The following ANKRD40 variants were observed in gnomAD, a reference collection of about 807,000 sequenced individuals.
The protein encoded by ANKRD40 is ankyrin repeat domain 40.
In ANKRD40, 24 loss-of-function variants were observed where a neutral mutation model predicts 35.5. The observed-to-expected ratio is 0.68, with a 90% CI of 0.49 to 0.95. The LOEUF (loss-of-function observed/expected upper bound fraction) is 0.95. Ranked by LOEUF, ANKRD40 falls within the 40% of genes least tolerant of loss-of-function variation. The probability of loss-of-function intolerance (pLI) is 0.00; values close to 1 mark genes in which losing one functional copy is unlikely to be tolerated. For synonymous variants in ANKRD40, 147 were observed against 173.5 expected, an observed-to-expected ratio of 0.85 and a Z score of 1.20; for missense variants, 361 against 436.0, an observed-to-expected ratio of 0.83 and a Z score of 1.53.
At chr17:50,702,970 T>G (rs1330602834) in intron 1 of ANKRD40, among the ~76,000 whole-genome samples, 1 of 152,232 alleles carries the variant, frequency 6.6e-6, no homozygotes, top group African/African-American at 2.4e-5. Flanking sequence ...TTACTCTATC[T>G]TTGAACTTCA....
chr17:50,705,693 G>C (rs921921256), intron 1 of ANKRD40, among the ~76,000 whole-genome samples: 4 of 139,692 alleles, frequency 2.9e-5, no homozygotes, highest in African/African-American at 1.1e-4. Context: ...ACAGAGTCTC[G>C]CTCTGCCACC....
In ANKRD40 at chr17:50,699,492, T is replaced by C. The variant is rs778549569; in HGVS notation, c.685A>G (p.Met229Val). ...LFSSVPSKPPMSLEPQNGTYA... is the reference protein window; with the variant it reads ...LFSSVPSKPPVSLEPQNGTYA... ...GTCCCATTTTGAGGCTCCAGAGACA[T>C]TGGTGGCTTGGACGGGACAGAAGAA... The change falls in exon 3 of 5, where the codon ATG becomes GTG. Residue 229 changes from methionine to valine, a missense_variant. Met to Val is a conservative substitution (Grantham distance 21). Around this residue, in one of 5 missense-constraint regions of ANKRD40, gnomAD observed 172 missense variants for 174.0 expected, o/e 0.99. Transcript: ENST00000285243. 4.7e-5 allele frequency: 76 copies of C among 1,613,938 alleles called. No homozygotes were observed. In the East Asian group the frequency reaches 1.0e-3, roughly 21 times the overall value.
intron 1 of ANKRD40, among the ~76,000 whole-genome samples, chr17:50,705,901 TG>T (rs1968330962): frequency 6.7e-6 from 1 of 150,162 alleles, no homozygotes; most frequent in African/African-American, 2.5e-5. Flanking sequence ...CATCGTGATC[TG>T]CCCACCTTGG....
Position 50,694,427 on chromosome 17 carries a change from T to C in ANKRD40, c.*1570A>G, listed in dbSNP as rs1968173233. The C allele has an allele frequency of 6.6e-6, 1 of 152,210 alleles. No homozygotes were observed. The highest frequency in any genetic ancestry group is 6.5e-5 in the Admixed American group (1 of 15,284). 9.4% of individuals were successfully genotyped at this position (152,210 alleles called of 1,614,324 possible). ...TTCTCACTCAACTGTAGTGTTCTAA[T>C]AAAATTAAGTTAACACAGTTAGGAA... is the stretch of plus-strand genomic sequence containing the variant. On this transcript the variant is annotated 3_prime_UTR_variant, in exon 5 of 5. Coordinates refer to ENST00000285243, the MANE Select transcript of ANKRD40 (RefSeq NM_052855.4).
intron 3 of ANKRD40, among the ~76,000 whole-genome samples, chr17:50,698,985 CAAAAA>C (rs5820829): frequency 4.3e-5 from 3 of 69,618 alleles, no homozygotes; most frequent in African/African-American, 1.8e-4. Context: ...ACTAAAAATA[CAAAAA>C]AAAAAAAAAA....
intron 3 of ANKRD40, among the ~76,000 whole-genome samples, chr17:50,698,524 C>T (rs1389286801): frequency 1.3e-5 from 2 of 151,960 alleles, no homozygotes; most frequent in Non-Finnish European, 2.9e-5. Flanking sequence ...TTGGCCTGGA[C>T]TCTTCAAAAA....
At chr17:50,696,871 A>G in intron 4 of ANKRD40, 69 bp downstream of exon 4, 1 of 1,413,784 alleles carries the variant, frequency 7.1e-7, no homozygotes, top group Non-Finnish European at 9.5e-7. Flanking sequence ...ACTACCTCAT[A>G]TAACCAAGGA....
intron 3 of ANKRD40, among the ~76,000 whole-genome samples, chr17:50,698,381 C>G (rs138886068): frequency 1.3e-5 from 2 of 152,074 alleles, no homozygotes; most frequent in Non-Finnish European, 2.9e-5. Flanking sequence ...CAGATTATAA[C>G]CCACTGAATA....
chr17:50,700,301 G>C, intron 2 of ANKRD40: 1 of 316,658 alleles, frequency 3.2e-6, no homozygotes, highest in Non-Finnish European at 5.8e-6. Context: ...AAATTAGCGA[G>C]ACGTGGTGGC....
At chr17:50,701,647 G>C (rs1968274231) in intron 1 of ANKRD40, among the ~76,000 whole-genome samples, 1 of 152,164 alleles carries the variant, frequency 6.6e-6, no homozygotes, top group South Asian at 2.1e-4. Flanking sequence ...ATTATGGAAG[G>C]AAAATACTTT....
intron 1 of ANKRD40, among the ~76,000 whole-genome samples, chr17:50,702,220 T>C (rs1315847470): frequency 6.6e-6 from 1 of 151,970 alleles, no homozygotes. Context: ...GCCTGCCCAA[T>C]AGGGTGAAAC....
intron 1 of ANKRD40, among the ~76,000 whole-genome samples, chr17:50,704,175 T>C (rs1567844551): frequency 6.6e-6 from 1 of 151,946 alleles, no homozygotes; most frequent in Non-Finnish European, 1.5e-5. Flanking sequence ...GAATTCAATC[T>C]TGGACATGTT....
intron 2 of ANKRD40, 107 bp downstream of exon 2, chr17:50,700,460 AG>A (rs200307796): frequency 0.15 from 123,288 of 798,212 alleles, 5,109 homozygotes; most frequent in Non-Finnish European, 0.17. Flanking sequence ...AAAAAAAAAA[AG>A]AAAGAAATAG....
At chr17:50,699,941 C>A in intron 2 of ANKRD40, 48 bp from the exon 3 acceptor site, 1 of 1,415,756 alleles carries the variant, frequency 7.1e-7, no homozygotes, top group South Asian at 1.8e-5. Context: ...TCAAAATTAT[C>A]AAAACAAGGT....
At position 50,700,713 on chromosome 17, in the gene ANKRD40, A is replaced by T; in HGVS notation, c.138T>A (p.Thr46=). The T allele has an allele frequency of 6.2e-7, 1 of 1,603,972 alleles. No homozygotes were observed. The highest frequency in any genetic ancestry group is 8.5e-7 in the Non-Finnish European group (1 of 1,175,744). The part of the protein sequence containing the change: ...VNSQNEVNGW[T]CLHWACKRNH... ...TTCGTTTACATGCCCAGTGTAAACAAGTCCTGTACCAAAGAAAATAATGAT... is the reference window on the plus strand; with the variant it reads ...TTCGTTTACATGCCCAGTGTAAACATGTCCTGTACCAAAGAAAATAATGAT... The change falls in exon 2 of 5, where the codon ACT becomes ACA. Residue 46 remains threonine, a synonymous_variant. Coordinates refer to ENST00000285243, the MANE Select transcript of ANKRD40 (RefSeq NM_052855.4).
Position 50,693,253 on chromosome 17 carries a change from A to T in ANKRD40, c.*2744T>A, listed in dbSNP as rs994209765. On this transcript the variant is annotated 3_prime_UTR_variant, in exon 5 of 5. Coordinates refer to ENST00000285243, the MANE Select transcript of ANKRD40 (RefSeq NM_052855.4). The stretch of plus-strand genomic sequence containing the variant: ...GTTATGTTTGAACAGTCAGCAATGC[A>T]CAAAGAAAAAATCTTCAGTGAATGT... The T allele has an allele frequency of 1.2e-4, 19 of 152,250 alleles. No individual in the cohort carries two copies. The highest frequency in any genetic ancestry group is 3.6e-4 in the African/African-American group (15 of 41,460). 9.4% of individuals were successfully genotyped at this position (152,250 alleles called of 1,614,324 possible). A position where few individuals can be genotyped will look rare whatever the true frequency, so the allele number is the denominator to read the frequency against.
intron 2 of ANKRD40, 70 bp downstream of exon 2, chr17:50,700,498 C>A: frequency 2.8e-6 from 4 of 1,450,774 alleles, no homozygotes; most frequent in South Asian, 1.3e-5. Flanking sequence ...GCATTAAGAA[C>A]GTAGCCAATA....
rs749647375 is a variant in ANKRD40, at chr17:50,707,507, C to A, written c.134+14G>T. On this transcript the variant is annotated intron_variant, in intron 1 of 4. Transcript: ENST00000285243. The surrounding 1 kb of genome is among the most constrained non-coding windows in gnomAD (Gnocchi z 4.8). ...GGCTGCCCTGACCCTAGGCCTCCCC[C>A]GCTCCCCACTTACCAGCCGTTGACC... The A allele has an allele frequency of 6.2e-7, 1 of 1,603,390 alleles. No homozygotes were observed. The highest frequency in any genetic ancestry group is 8.5e-7 in the Non-Finnish European group (1 of 1,174,772).
In ANKRD40 at chr17:50,693,836, A is replaced by T. The variant is rs1968160632; in HGVS notation, c.*2161T>A. ...GTTAAATTCACTTCCGATTGGTTGA[A>T]ACACAAGGGAGGGGCTGGGCCGGGT... On this transcript the variant is annotated 3_prime_UTR_variant, in exon 5 of 5. Coordinates refer to ENST00000285243, the MANE Select transcript of ANKRD40 (RefSeq NM_052855.4). 6.6e-6 allele frequency: 1 copy of T among 152,176 alleles called. No homozygotes were observed. Among genetic ancestry groups the T allele is most frequent in the South Asian group, 2.1e-4 (1 of 4,820 alleles). The allele number at this position is 152,176 out of a possible 1,614,324, so 9.4% of individuals were successfully genotyped here. A position where few individuals can be genotyped will look rare whatever the true frequency, so the allele number is the denominator to read the frequency against.
Sources: allele counts gnomAD v4.1 joint callset (sites outside exome capture counted in the v4.1 genomes callset), GRCh38; gene constraint gnomAD v4.1.1; regional missense constraint gnomAD v4.1.1; non-coding constraint Gnocchi (gnomAD v3.1); transcripts MANE v1.5; gene names NCBI Gene and HGNC (gene_info 2026-07-23, HGNC 2026-07-21).